Variants in ANKS1B observed in about 807,000 individuals in gnomAD.
ANKS1B encodes the protein ankyrin repeat and sterile alpha motif domain containing 1B, also known as ankyrin repeat and sterile alpha motif domain-containing protein 1B.
In ANKS1B, 36 loss-of-function variants were observed where a neutral mutation model predicts 148.3. The ratio of observed to expected loss-of-function variants is 0.24; its 90% CI spans 0.19 to 0.32. ANKS1B has a LOEUF of 0.32. ANKS1B is among the 10% of genes least tolerant of loss of function. The pLI is 1.00. For missense variants in ANKS1B, 1,157 were observed against 1,542.6 expected, an observed-to-expected ratio of 0.75 and a Z score of 4.19; for synonymous variants, 542 against 560.8, an observed-to-expected ratio of 0.97 and a Z score of 0.47.
chr12:99,338,607 C>G (rs937497407), intron 12 of ANKS1B, among the ~76,000 whole-genome samples: 3 of 152,180 alleles, frequency 2.0e-5, no homozygotes, highest in African/African-American at 7.2e-5. Flanking sequence ...CTCCTCGTGG[C>G]CAGCTCTGCT....
intron 10 of ANKS1B, among the ~76,000 whole-genome samples, chr12:99,495,254 G>C (rs1786890326): frequency 6.6e-6 from 1 of 152,022 alleles, no homozygotes; most frequent in South Asian, 2.1e-4. Flanking sequence ...AACCTAGCAG[G>C]AGTTCATTGT....
chr12:98,769,165 C>CTTTTTTTT (rs1182264550), intron 25 of ANKS1B, among the ~76,000 whole-genome samples: 666 of 41,258 alleles, frequency 0.016, 99 homozygotes, highest in East Asian at 0.058. Flanking sequence ...GTCTTCTTTA[C>CTTTTTTTT]TTTTTTTTTT....
intron 17 of ANKS1B, among the ~76,000 whole-genome samples, chr12:98,990,115 C>T (rs2099925711): frequency 6.6e-6 from 1 of 152,274 alleles, no homozygotes; most frequent in East Asian, 1.9e-4. Context: ...ATAATGTGGA[C>T]ATTTTAACAA....
At chr12:98,826,749 T>C (rs1193645461) in intron 19 of ANKS1B, among the ~76,000 whole-genome samples, 1 of 152,156 alleles carries the variant, frequency 6.6e-6, no homozygotes, top group Admixed American at 6.5e-5. Flanking sequence ...TGGGAGAAAC[T>C]CCTTGGGAAA....
At chr12:98,788,009 G>C (rs939902528) in intron 22 of ANKS1B, among the ~76,000 whole-genome samples, 3 of 151,854 alleles carry the variant, frequency 2.0e-5, no homozygotes, top group Non-Finnish European at 2.9e-5. Flanking sequence ...CTTTCAGAGA[G>C]CTCTGGTACC....
chr12:99,964,340 G>T (rs903101833), intron 1 of ANKS1B, among the ~76,000 whole-genome samples: 1 of 152,136 alleles, frequency 6.6e-6, no homozygotes, highest in Non-Finnish European at 1.5e-5. Flanking sequence ...TATTATCATT[G>T]TCATCACCTA....
At chr12:99,733,114 C>T (rs2059319797) in intron 8 of ANKS1B, among the ~76,000 whole-genome samples, 1 of 151,990 alleles carries the variant, frequency 6.6e-6, no homozygotes, top group South Asian at 2.1e-4. Context: ...CTTCCCTTTC[C>T]TCTTTGGGTC....
rs77735138 is a variant in ANKS1B, at chr12:98,921,278, G to A, written c.2779-89142C>T. 3.0e-3 allele frequency among the ~76,000 whole-genome samples: 453 copies of A among 152,188 alleles called. 1 individual carries two copies. Among genetic ancestry groups the A allele is most frequent in the African/African-American group, 0.011 (437 of 41,540 alleles). ...CCAAGGATGCACCCAAAATGTACAG[G>A]TGATAAAGCAGCAGTTCCTGCCCTC... On this transcript the variant is annotated intron_variant, in intron 17 of 26. Coordinates refer to ENST00000683438, the MANE Select transcript of ANKS1B (RefSeq NM_001352186.2).
intron 1 of ANKS1B, among the ~76,000 whole-genome samples, chr12:99,957,823 C>T (rs1251366014): frequency 6.6e-6 from 1 of 152,190 alleles, no homozygotes; most frequent in Admixed American, 6.5e-5. Context: ...CAAATCATGT[C>T]CCATTAGCAT....
At chr12:99,653,117 T>C (rs551963087) in intron 9 of ANKS1B, among the ~76,000 whole-genome samples, 1 of 152,160 alleles carries the variant, frequency 6.6e-6, no homozygotes, top group Non-Finnish European at 1.5e-5. Flanking sequence ...ACCAAGGAAA[T>C]GGCCAAAGGT....
intron 12 of ANKS1B, among the ~76,000 whole-genome samples, chr12:99,359,178 G>A (rs184172888): frequency 2.0e-5 from 3 of 152,174 alleles, no homozygotes; most frequent in Admixed American, 2.0e-4. Flanking sequence ...GGAAGCTCGG[G>A]ATGAAATATT....
At chr12:98,870,766 T>TCAGC (rs1488989283) in intron 17 of ANKS1B, among the ~76,000 whole-genome samples, 4 of 152,260 alleles carry the variant, frequency 2.6e-5, no homozygotes, top group Non-Finnish European at 4.4e-5. Context: ...TGCATCTATG[T>TCAGC]CAGCATCCAG....
intron 17 of ANKS1B, among the ~76,000 whole-genome samples, chr12:98,997,641 T>G (rs866141613): frequency 2.8e-4 from 43 of 152,086 alleles, no homozygotes; most frequent in African/African-American, 9.9e-4. Context: ...TCTGCCTGCC[T>G]CGGCCTCTCA....
At chr12:99,771,506 A>G (rs1413262997) in intron 8 of ANKS1B, among the ~76,000 whole-genome samples, 1 of 152,124 alleles carries the variant, frequency 6.6e-6, no homozygotes, top group Non-Finnish European at 1.5e-5. Context: ...ATATGTTTTA[A>G]GTTCTAACTA....
intron 14 of ANKS1B, among the ~76,000 whole-genome samples, chr12:99,163,037 G>A (rs899194301): frequency 2.3e-4 from 34 of 150,840 alleles, no homozygotes; most frequent in African/African-American, 8.0e-4. Context: ...CAGCCTGGGC[G>A]ACAGAGCGAG....
At chr12:99,827,487 A>C (rs1323856059) in intron 1 of ANKS1B, among the ~76,000 whole-genome samples, 2 of 152,170 alleles carry the variant, frequency 1.3e-5, no homozygotes, top group Non-Finnish European at 2.9e-5. Flanking sequence ...ACAGGTACCA[A>C]AATTGCACTG....
At chr12:99,655,495 C>T (rs983786818) in intron 8 of ANKS1B, among the ~76,000 whole-genome samples, 2 of 151,838 alleles carry the variant, frequency 1.3e-5, no homozygotes, top group African/African-American at 2.4e-5. Context: ...TGAATAGCAA[C>T]AAATGAGAAA....
chr12:98,979,433 A>G (rs530867321), intron 17 of ANKS1B, among the ~76,000 whole-genome samples: 23 of 151,380 alleles, frequency 1.5e-4, no homozygotes, highest in Middle Eastern at 6.8e-3. Flanking sequence ...ATGCCCAGCT[A>G]ATTTTTTTTT....
intron 8 of ANKS1B, among the ~76,000 whole-genome samples, chr12:99,767,906 A>G (rs1490406808): frequency 6.6e-6 from 1 of 152,144 alleles, no homozygotes; most frequent in Non-Finnish European, 1.5e-5. Context: ...CTACCATATT[A>G]TAGCTAATAT....
Sources: allele counts gnomAD v4.1 joint callset (sites outside exome capture counted in the v4.1 genomes callset), GRCh38; gene constraint gnomAD v4.1.1; transcripts MANE v1.5; gene names NCBI Gene and HGNC (gene_info 2026-07-23, HGNC 2026-07-21).